PTPRR: variants seen among roughly 807,000 people sequenced by gnomAD.
PTPRR encodes protein tyrosine phosphatase receptor type R.
Under a neutral mutation model 77.2 loss-of-function variants are expected in PTPRR, and 38 were observed. The ratio of observed to expected loss-of-function variants is 0.49; its 90% CI spans 0.38 to 0.65. The LOEUF is 0.65. Ranked by LOEUF, PTPRR falls within the 30% of genes least tolerant of loss-of-function variation. The pLI is 0.00. For synonymous variants in PTPRR, 299 were observed against 283.1 expected (o/e 1.06, Z -0.57); for missense variants, 744 against 799.2 (o/e 0.93, Z 0.83).
At chr12:70,847,246 T>C (rs1892500689) in intron 2 of PTPRR, among the ~76,000 whole-genome samples, 1 of 152,228 alleles carries the variant, frequency 6.6e-6, no homozygotes, top group Non-Finnish European at 1.5e-5. Context: ...GTGCATGTAA[T>C]GTGCTTAGCA....
At chr12:70,918,117 A>T (rs576749175) in intron 1 of PTPRR, among the ~76,000 whole-genome samples, 156 of 152,340 alleles carry the variant, frequency 1.0e-3, no homozygotes, top group Non-Finnish European at 1.9e-3. Flanking sequence ...CTCCAAATGT[A>T]TAGAAGCTTA....
chr12:70,807,324 G>T (rs1361543278), intron 2 of PTPRR, among the ~76,000 whole-genome samples: 3 of 152,152 alleles, frequency 2.0e-5, no homozygotes, highest in Non-Finnish European at 4.4e-5. Flanking sequence ...GAATTTGTTG[G>T]TTTTTGCTGC....
chr12:70,718,410 C>T (rs979737211), intron 6 of PTPRR, among the ~76,000 whole-genome samples: 2 of 152,038 alleles, frequency 1.3e-5, no homozygotes, highest in Non-Finnish European at 2.9e-5. Flanking sequence ...GGATTACAGG[C>T]GTGTGCCACC....
intron 13 of PTPRR, among the ~76,000 whole-genome samples, chr12:70,654,214 C>A (rs1187515786): frequency 1.3e-5 from 2 of 152,006 alleles, no homozygotes; most frequent in Non-Finnish European, 2.9e-5. Flanking sequence ...ATCTTCTTGT[C>A]TTTTTTATTG....
intron 1 of PTPRR, among the ~76,000 whole-genome samples, chr12:70,919,907 C>T (rs949974160): frequency 2.6e-5 from 4 of 151,866 alleles, no homozygotes; most frequent in Non-Finnish European, 4.4e-5. Flanking sequence ...CAATGCCTTC[C>T]TATGAGCGCT....
intron 2 of PTPRR, among the ~76,000 whole-genome samples, chr12:70,889,287 T>C (rs1565731671): frequency 6.6e-6 from 1 of 152,174 alleles, no homozygotes. Flanking sequence ...ACACAGTAAA[T>C]GCTACAGAAT....
chr12:70,815,624 T>C (rs1301255062), intron 2 of PTPRR, among the ~76,000 whole-genome samples: 1 of 152,168 alleles, frequency 6.6e-6, no homozygotes, highest in African/African-American at 2.4e-5. Context: ...AGATTTAGCA[T>C]CATGAAAATG....
intron 10 of PTPRR, among the ~76,000 whole-genome samples, chr12:70,678,947 G>T (rs1289454636): frequency 6.6e-6 from 1 of 152,188 alleles, no homozygotes; most frequent in Non-Finnish European, 1.5e-5. Context: ...CTCCCAAAGT[G>T]CTGGGATTAC....
chr12:70,902,076 A>G (rs1302035390), intron 1 of PTPRR, among the ~76,000 whole-genome samples: 3 of 151,986 alleles, frequency 2.0e-5, no homozygotes, highest in African/African-American at 7.2e-5. Flanking sequence ...GCTCGACATC[A>G]CTAATGATCA....
chr12:70,893,767 A>G (rs573486903), intron 1 of PTPRR, among the ~76,000 whole-genome samples: 1 of 152,014 alleles, frequency 6.6e-6, no homozygotes, highest in Admixed American at 6.6e-5. Flanking sequence ...GCACTAAGAC[A>G]AAATATTCTG....
chr12:70,888,272 T>TA (rs1358405454), intron 2 of PTPRR, among the ~76,000 whole-genome samples: 2 of 152,120 alleles, frequency 1.3e-5, no homozygotes, highest in African/African-American at 4.8e-5. Context: ...TAGCAAAAAA[T>TA]AATTTACTTA....
intron 2 of PTPRR, 39 bp from the exon 3 acceptor site, chr12:70,764,817 T>C (rs1183623465): frequency 7.2e-7 from 1 of 1,396,552 alleles, no homozygotes; most frequent in South Asian, 1.2e-5. Context: ...AATTATAGTA[T>C]TAATTTGTAT....
chr12:70,838,566 T>C (rs776175594), intron 2 of PTPRR, among the ~76,000 whole-genome samples: 7 of 152,128 alleles, frequency 4.6e-5, no homozygotes, highest in Non-Finnish European at 8.8e-5. Context: ...GGTTATTTGG[T>C]TGGCTGGGAA....
At chr12:70,781,789 T>C (rs1371016404) in intron 2 of PTPRR, among the ~76,000 whole-genome samples, 1 of 152,172 alleles carries the variant, frequency 6.6e-6, no homozygotes, top group East Asian at 1.9e-4. Context: ...TTTTTCCCCA[T>C]AGTTTTAAAT....
intron 6 of PTPRR, among the ~76,000 whole-genome samples, chr12:70,718,303 C>T (rs1242453982): frequency 6.6e-6 from 1 of 151,636 alleles, no homozygotes; most frequent in African/African-American, 2.4e-5. Context: ...TCTTGCTCTG[C>T]TGCTGAGGTT....
intron 6 of PTPRR, among the ~76,000 whole-genome samples, chr12:70,708,884 T>C (rs967709808): frequency 2.0e-5 from 3 of 151,780 alleles, no homozygotes; most frequent in African/African-American, 7.3e-5. Context: ...AATAACCTCC[T>C]GTCTCTTTAT....
chr12:70,855,990 C>T (rs998109466), intron 2 of PTPRR, among the ~76,000 whole-genome samples: 1 of 152,078 alleles, frequency 6.6e-6, no homozygotes, highest in African/African-American at 2.4e-5. Context: ...TCACCCAAAA[C>T]CCACAGCATT....
chr12:70,753,606 CATT>C lies in PTPRR; in HGVS notation c.738+582_738+584del, dbSNP rs140848254. On this transcript the variant is annotated intron_variant, in intron 5 of 13. Transcript: ENST00000283228. The stretch of plus-strand genomic sequence containing the variant: ...TAGAAACATGCTTTTAAAGGCTACA[CATT>C]ATTACTTACAGAGCTATTCCAGCAT... Among the ~76,000 whole-genome samples, 465 of 152,190 alleles carry C rather than the reference CATT, an allele frequency of 3.1e-3. 3 individuals are homozygous for C. The highest frequency in any genetic ancestry group is 0.011 in the African/African-American group (441 of 41,524).
intron 10 of PTPRR, among the ~76,000 whole-genome samples, chr12:70,670,702 C>T (rs1360120515): frequency 6.6e-6 from 1 of 152,170 alleles, no homozygotes; most frequent in Non-Finnish European, 1.5e-5. Flanking sequence ...GCAAAAACTA[C>T]TTGCCATTTT....
Sources: gnomAD v4.1 joint callset for allele counts (sites outside exome capture counted in the v4.1 genomes callset) on GRCh38, gnomAD v4.1.1 for gene constraint, MANE v1.5 for transcripts, NCBI Gene and HGNC (gene_info 2026-07-23, HGNC 2026-07-21) for gene names.